ZNF365: variants seen among roughly 807,000 people sequenced by gnomAD.
ZNF365 encodes protein ZNF365.
In ZNF365, 22 loss-of-function variants were observed where a neutral mutation model predicts 35.0. That is an observed-to-expected ratio of 0.63 (90% CI 0.45 to 0.90). ZNF365 has a LOEUF of 0.90. Ranked by LOEUF, ZNF365 falls within the 40% of genes least tolerant of loss-of-function variation. ZNF365 has a pLI of 0.00. For missense variants in ZNF365, 448 were observed against 500.3 expected (o/e 0.90, Z 1.00); for synonymous variants, 188 against 196.2 (o/e 0.96, Z 0.35).
chr10:62,382,910 T>C (rs572951996), intron 2 of ZNF365, among the ~76,000 whole-genome samples: 2 of 152,210 alleles, frequency 1.3e-5, no homozygotes, highest in African/African-American at 4.8e-5. Context: ...AAATCAGTCA[T>C]GTAAAGTGAA....
At position 62,376,618 on chromosome 10, in the gene ZNF365, C is replaced by T; in HGVS notation, c.425C>T (p.Thr142Ile). 1 of 1,614,152 alleles carries T rather than the reference C, an allele frequency of 6.2e-7. No homozygotes were observed. Among genetic ancestry groups the T allele is most frequent in the Non-Finnish European group, 8.5e-7 (1 of 1,180,034 alleles). ...MDLHADSLDGTRSGPGLPTSD... is the reference protein window; with the variant it reads ...MDLHADSLDGIRSGPGLPTSD... ...CTCCATGCAGACTCGCTGGATGGGACACGGTCGGGTCCTGGACTGCCCACC... is the reference window on the plus strand; with the variant it reads ...CTCCATGCAGACTCGCTGGATGGGATACGGTCGGGTCCTGGACTGCCCACC... Residue 142 changes from threonine to isoleucine, a missense_variant, in exon 2 of 5, where the codon ACA (threonine) becomes ATA (isoleucine). Physicochemically the swap from Thr to Ile is moderately conservative, Grantham distance 89 (BLOSUM62 -1). Coordinates refer to ENST00000395254, the MANE Select transcript of ZNF365 (RefSeq NM_014951.3).
intron 2 of ZNF365, among the ~76,000 whole-genome samples, chr10:62,381,056 G>T (rs1298006653): frequency 2.0e-5 from 3 of 152,098 alleles, no homozygotes; most frequent in African/African-American, 4.8e-5. Context: ...GAAGAATAAG[G>T]GATACTCAGG....
At chr10:62,471,365 CAAAA>C (rs768258691) in intron 4 of ZNF365, among the ~76,000 whole-genome samples, 1 of 81,148 alleles carries the variant, frequency 1.2e-5, no homozygotes, top group African/African-American at 4.2e-5. Context: ...GACTCTGTCT[CAAAA>C]AAAAAAAAAA....
chr10:62,447,059 G>A (rs759290491), intron 3 of ZNF365, among the ~76,000 whole-genome samples: 22 of 152,070 alleles, frequency 1.4e-4, no homozygotes, highest in African/African-American at 4.3e-4. Flanking sequence ...TGTAGGCAAG[G>A]GTGTATTATC....
chr10:62,455,805 C>A (rs1840753276), intron 3 of ZNF365, among the ~76,000 whole-genome samples: 1 of 152,192 alleles, frequency 6.6e-6, no homozygotes, highest in African/African-American at 2.4e-5. Context: ...TGCCATTTTA[C>A]TGATAAGTGA....
At chr10:62,448,651 A>G (rs1482073296) in intron 3 of ZNF365, among the ~76,000 whole-genome samples, 1 of 152,150 alleles carries the variant, frequency 6.6e-6, no homozygotes, top group Non-Finnish European at 1.5e-5. Flanking sequence ...TATTATAGGT[A>G]TCTACCAAGT....
In ZNF365 at chr10:62,442,381, A is replaced by G. The variant is rs1382953380; in HGVS notation, c.925-17360A>G. ...TGTAAATTCCATACATTGACTCACA[A>G]CTATAGAACAGATGAGATGAGCAAT... On this transcript the variant is annotated intron_variant, in intron 3 of 4. Transcript: ENST00000395255. Among the ~76,000 whole-genome samples, 3 of 152,322 alleles carry G rather than the reference A, an allele frequency of 2.0e-5. No homozygotes were observed. In the East Asian group the frequency reaches 5.8e-4, roughly 29 times the overall value.
At chr10:62,432,454 C>T (rs1469973152) in intron 3 of ZNF365, among the ~76,000 whole-genome samples, 3 of 152,142 alleles carry the variant, frequency 2.0e-5, no homozygotes, top group Non-Finnish European at 2.9e-5. Flanking sequence ...GTTTGAGGGA[C>T]TTCTGTTTTT....
intron 3 of ZNF365, among the ~76,000 whole-genome samples, chr10:62,434,717 C>A (rs896132423): frequency 2.0e-5 from 3 of 152,130 alleles, no homozygotes; most frequent in African/African-American, 7.2e-5. Flanking sequence ...GAAATCAGAA[C>A]AAAATTAGTG....
intron 2 of ZNF365, among the ~76,000 whole-genome samples, chr10:62,386,458 T>C (rs1839528158): frequency 6.6e-6 from 1 of 152,240 alleles, no homozygotes. Context: ...TGTTTGATCC[T>C]GGTTGGGAAA....
intron 2 of ZNF365, among the ~76,000 whole-genome samples, chr10:62,381,042 A>G (rs1006704932): frequency 1.3e-5 from 2 of 152,196 alleles, no homozygotes; most frequent in Non-Finnish European, 2.9e-5. Flanking sequence ...TGTGTTCTGT[A>G]TAGGAAGAAT....
chr10:62,384,565 G>A (rs1057319193), intron 2 of ZNF365, among the ~76,000 whole-genome samples: 1 of 152,204 alleles, frequency 6.6e-6, no homozygotes, highest in Admixed American at 6.5e-5. Flanking sequence ...CTGGACTTTG[G>A]TAGTTCCACA....
chr10:62,453,701 A>G (rs1840720394), intron 3 of ZNF365, among the ~76,000 whole-genome samples: 1 of 152,182 alleles, frequency 6.6e-6, no homozygotes, highest in African/African-American at 2.4e-5. Context: ...GTTCTTTGAG[A>G]AACTGTACTC....
rs530451944 is a variant in ZNF365 at position 62,424,327 on chromosome 10, C to G, written c.925-35414C>G. On this transcript the variant is annotated intron_variant, in intron 3 of 4. Transcript: ENST00000395255. ...GTACACCTTTTTGCAGGCACCAGTA[C>G]CATGTCCAGCTCTTCTCAACCAGGG... 3.3e-5 allele frequency among the ~76,000 whole-genome samples: 5 copies of G among 152,254 alleles called. No individual in the cohort carries two copies. The East Asian group carries it at 9.6e-4, about 29-fold the overall frequency.
chr10:62,406,911 G>A (rs548748783), downstream of ZNF365, among the ~76,000 whole-genome samples: 13 of 152,174 alleles, frequency 8.5e-5, no homozygotes, highest in Non-Finnish European at 1.6e-4. Context: ...TGGGCCTGCC[G>A]CTGTGTAGAG....
chr10:62,416,745 A>G (rs1589444332), intron 3 of ZNF365, among the ~76,000 whole-genome samples: 1 of 152,140 alleles, frequency 6.6e-6, no homozygotes, highest in South Asian at 2.1e-4. Flanking sequence ...ATTTTGGAAT[A>G]TTAGCCTTAT....
intron 3 of ZNF365, among the ~76,000 whole-genome samples, chr10:62,414,069 G>A (rs562773216): frequency 6.6e-6 from 1 of 152,130 alleles, no homozygotes; most frequent in African/African-American, 2.4e-5. Context: ...ATATATATTA[G>A]TTTATTGGAT....
intron 3 of ZNF365, among the ~76,000 whole-genome samples, chr10:62,434,338 A>G (rs935965371): frequency 1.3e-5 from 2 of 151,940 alleles, no homozygotes; most frequent in African/African-American, 4.8e-5. Context: ...AAATCAACTG[A>G]TGGGTGGAGA....
chr10:62,453,238 C>T (rs960546643), intron 3 of ZNF365, among the ~76,000 whole-genome samples: 8 of 152,144 alleles, frequency 5.3e-5, no homozygotes, highest in African/African-American at 9.7e-5. Flanking sequence ...CACCAAATAA[C>T]GCACATTGTG....
Sources: gnomAD v4.1 joint callset for allele counts (sites outside exome capture counted in the v4.1 genomes callset) on GRCh38, gnomAD v4.1.1 for gene constraint, MANE v1.5 for transcripts, NCBI Gene and HGNC (gene_info 2026-07-23, HGNC 2026-07-21) for gene names.